Variants in RAD52 observed in about 807,000 individuals in gnomAD.
RAD52 encodes RAD52 DNA repair protein, also known as DNA repair protein RAD52 homolog.
Under a neutral mutation model 55.5 loss-of-function variants are expected in RAD52, and 47 were observed. That is an observed-to-expected ratio of 0.85 (90% confidence interval 0.67 to 1.08). The LOEUF is 1.08. Among genes scored for constraint, RAD52 ranks in the 50% least tolerant of loss-of-function variants. RAD52 has a pLI of 0.00. For synonymous variants in RAD52, 184 were observed against 198.9 expected, an observed-to-expected ratio of 0.92 and a Z score of 0.63; for missense variants, 468 against 522.8, an observed-to-expected ratio of 0.90 and a Z score of 1.02.
chr12:915,623 G>A (rs1956319109), intron 9 of RAD52, among the ~76,000 whole-genome samples: 1 of 152,132 alleles, frequency 6.6e-6, no homozygotes, highest in South Asian at 2.1e-4. Flanking sequence ...ATAAACTAAA[G>A]TTGATAAATA....
intron 1 of RAD52, among the ~76,000 whole-genome samples, chr12:984,320 C>A (rs976273028): frequency 2.6e-5 from 4 of 151,992 alleles, no homozygotes; most frequent in Admixed American, 6.6e-5. Flanking sequence ...CTCATCCTCC[C>A]GAATAGCTGG....
chr12:940,541 G>A (rs557293076), intron 1 of RAD52, among the ~76,000 whole-genome samples: 1 of 151,926 alleles, frequency 6.6e-6, no homozygotes, highest in Non-Finnish European at 1.5e-5. Context: ...AGGTAGCAGT[G>A]AGCAGAGGTT....
chr12:925,719 C>A (rs775022233), intron 6 of RAD52, among the ~76,000 whole-genome samples, 194 bp from the exon 7 acceptor site: 1 of 152,122 alleles, frequency 6.6e-6, no homozygotes, highest in Non-Finnish European at 1.5e-5. Context: ...GAGAATACTG[C>A]AGTGAGGACA....
intron 1 of RAD52, among the ~76,000 whole-genome samples, chr12:988,666 T>A (rs189144184): frequency 9.2e-5 from 14 of 152,310 alleles, no homozygotes; most frequent in African/African-American, 3.4e-4. Flanking sequence ...CAAGGAAAAG[T>A]GTCTGTGCAC....
intron 1 of RAD52, among the ~76,000 whole-genome samples, chr12:955,003 A>G (rs1396999988): frequency 6.6e-6 from 1 of 152,224 alleles, no homozygotes; most frequent in Non-Finnish European, 1.5e-5. Flanking sequence ...TTATGGCCCA[A>G]TTAGCAAGAT....
intron 1 of RAD52, among the ~76,000 whole-genome samples, chr12:936,381 G>A: frequency 6.6e-6 from 1 of 150,492 alleles, no homozygotes; most frequent in Non-Finnish European, 1.5e-5. Flanking sequence ...TAAAGTAAAT[G>A]TGAAATATTT....
intron 1 of RAD52, among the ~76,000 whole-genome samples, chr12:938,242 T>C (rs1021635603): frequency 6.6e-6 from 1 of 152,208 alleles, no homozygotes; most frequent in African/African-American, 2.4e-5. Flanking sequence ...GAAGGTCCCA[T>C]CATTGAGGTA....
chr12:989,445 G>T (rs759354276), intron 1 of RAD52, among the ~76,000 whole-genome samples: 1 of 152,138 alleles, frequency 6.6e-6, no homozygotes, highest in Non-Finnish European at 1.5e-5. Flanking sequence ...TCAGGAAGAA[G>T]AGACAGTAAA....
chr12:931,386 T>A (rs1957321043), intron 2 of RAD52, 65 bp from the exon 3 acceptor site: 1 of 1,230,210 alleles, frequency 8.1e-7, no homozygotes, highest in South Asian at 1.4e-5. Flanking sequence ...TGAGTCTCCA[T>A]CCTTTATGGA....
chr12:965,884 GCC>G (rs1958757048), intron 1 of RAD52, among the ~76,000 whole-genome samples: 5 of 152,002 alleles, frequency 3.3e-5, no homozygotes, highest in Non-Finnish European at 7.4e-5. Flanking sequence ...ACAGGGTTTC[GCC>G]TGTTGGCCAG....
chr12:935,380 CTTTTTTTTT>C (rs34383735), intron 1 of RAD52, among the ~76,000 whole-genome samples: 15,262 of 128,674 alleles, frequency 0.12, 944 homozygotes, highest in Middle Eastern at 0.28. Context: ...ACCTGTGAAT[CTTTTTTTTT>C]TTTTTTTTTT....
intron 1 of RAD52, among the ~76,000 whole-genome samples, chr12:969,072 A>G (rs975700845): frequency 2.6e-5 from 4 of 152,124 alleles, no homozygotes; most frequent in Non-Finnish European, 5.9e-5. Context: ...ACAATACAGT[A>G]TAACAATATA....
chr12:928,685 A>G (rs551345294), intron 5 of RAD52, among the ~76,000 whole-genome samples: 1 of 152,048 alleles, frequency 6.6e-6, no homozygotes, highest in South Asian at 2.1e-4. Flanking sequence ...TAATTTTTCT[A>G]AGTATCAAAA....
intron 1 of RAD52, among the ~76,000 whole-genome samples, chr12:985,115 A>G (rs1382442788): frequency 6.6e-6 from 1 of 151,944 alleles, no homozygotes; most frequent in Non-Finnish European, 1.5e-5. Context: ...GGCCAATACA[A>G]AAGTTTTATA....
intron 2 of RAD52, among the ~76,000 whole-genome samples, chr12:931,860 A>G (rs1041421295): frequency 2.0e-5 from 3 of 152,118 alleles, no homozygotes; most frequent in African/African-American, 7.2e-5. Flanking sequence ...CAATACAACA[A>G]TTTCCCATCC....
intron 1 of RAD52, among the ~76,000 whole-genome samples, chr12:946,043 G>A (rs1053236642): frequency 2.0e-5 from 3 of 151,734 alleles, no homozygotes; most frequent in Non-Finnish European, 4.4e-5. Flanking sequence ...AAAAAAACAC[G>A]GTGGGAACAT....
At chr12:957,091 C>G (rs1265074366) in intron 1 of RAD52, among the ~76,000 whole-genome samples, 1 of 152,090 alleles carries the variant, frequency 6.6e-6, no homozygotes. Context: ...TCTGGGCCAA[C>G]TACCTTCAGA....
intron 1 of RAD52, among the ~76,000 whole-genome samples, chr12:939,169 AT>A (rs942133213): frequency 1.5e-4 from 22 of 149,386 alleles, no homozygotes; most frequent in African/African-American, 2.5e-4. Flanking sequence ...TTAATTGTAA[AT>A]TTTTTTTTTG....
At chr12:961,309 CAAAAAAAA>C (rs60547688) in intron 1 of RAD52, among the ~76,000 whole-genome samples, 2 of 33,810 alleles carry the variant, frequency 5.9e-5, no homozygotes, top group East Asian at 9.5e-4. Context: ...GACTCCATCT[CAAAAAAAA>C]AAAAAAAAAA....
Sources: allele counts gnomAD v4.1 joint callset (sites outside exome capture counted in the v4.1 genomes callset), GRCh38; gene constraint gnomAD v4.1.1; transcripts MANE v1.5; gene names NCBI Gene and HGNC (gene_info 2026-07-23, HGNC 2026-07-21).